SFRP4: variants seen among roughly 807,000 people sequenced by gnomAD.
SFRP4 encodes the protein secreted frizzled-related protein 4.
Under a neutral mutation model 36.3 loss-of-function variants are expected in SFRP4, and 25 were observed. That is an observed-to-expected ratio of 0.69 (90% confidence interval 0.50 to 0.96). The LOEUF is 0.96. Ranked by LOEUF, SFRP4 falls within the 40% of genes least tolerant of loss-of-function variation. SFRP4 has a pLI of 0.00. For missense variants in SFRP4, 487 were observed against 459.6 expected, an observed-to-expected ratio of 1.06 and a Z score of -0.54; for synonymous variants, 182 against 168.8, an observed-to-expected ratio of 1.08 and a Z score of -0.60.
chr7:37,914,865 A>C (rs1785549128), intron 1 of SFRP4, among the ~76,000 whole-genome samples: 1 of 152,182 alleles, frequency 6.6e-6, no homozygotes, highest in South Asian at 2.1e-4. Flanking sequence ...GCTCCATCTC[A>C]AAAAAAGAAA....
chr7:37,916,451 G>C lies in SFRP4; in HGVS notation c.87C>G (p.Ile29Met), dbSNP rs139103759. The change falls in exon 1 of 6, where the codon ATC (isoleucine) becomes ATG (methionine). Residue 29 changes from isoleucine (I) to methionine (M), a missense_variant. Coordinates refer to ENST00000436072, the MANE Select transcript of SFRP4 (RefSeq NM_003014.4). This position sits in a 1 kb window ranked among gnomAD's most constrained non-coding sequence, Gnocchi z 4.1. Reference protein sequence around the residue: ...VRGAPCEAVRIPMCRHMPWNI... With the variant: ...VRGAPCEAVRMPMCRHMPWNI... ...TCCAGGGCATGTGCCGGCACATAGG[G>C]ATGCGCACCGCCTCGCAGGGCGCGC... The C allele has an allele frequency of 1.7e-5, 28 of 1,613,640 alleles. No individual in the cohort carries two copies. In the African/African-American group the frequency reaches 3.6e-4, roughly 21 times the overall value.
chr7:37,910,379 A>T (rs1291476059), intron 4 of SFRP4, among the ~76,000 whole-genome samples: 1 of 151,938 alleles, frequency 6.6e-6, no homozygotes, highest in African/African-American at 2.4e-5. Flanking sequence ...CTATATCATG[A>T]TCTCAATGTT....
intron 1 of SFRP4, 66 bp from the exon 2 acceptor site, chr7:37,914,519 A>G (rs1785545267): frequency 9.0e-7 from 1 of 1,112,316 alleles, no homozygotes; most frequent in African/African-American, 1.5e-5. Context: ...GCTGGTATAA[A>G]GAGCCCTCTG....
chr7:37,907,390 G>A lies in SFRP4; in HGVS notation c.*89C>T. 1 of 1,097,890 alleles carries A rather than the reference G, an allele frequency of 9.1e-7. No homozygotes were observed. Among genetic ancestry groups the A allele is most frequent in the Non-Finnish European group, 1.3e-6 (1 of 753,496 alleles). 68.0% of individuals were successfully genotyped at this position (1,097,890 alleles called of 1,614,324 possible). ...ACTGCAGTGAGTTGTTAGGGCAAGGGGCACATGGCCTTACATAGGCTGTCC... is the reference window on the plus strand; with the variant it reads ...ACTGCAGTGAGTTGTTAGGGCAAGGAGCACATGGCCTTACATAGGCTGTCC... On this transcript the variant is annotated 3_prime_UTR_variant, in exon 6 of 6. Coordinates refer to ENST00000436072, the MANE Select transcript of SFRP4 (RefSeq NM_003014.4).
intron 1 of SFRP4, among the ~76,000 whole-genome samples, chr7:37,914,824 C>T (rs191486571): frequency 3.7e-3 from 563 of 152,322 alleles, no homozygotes; most frequent in Non-Finnish European, 5.4e-3. Flanking sequence ...GAGATTGTGC[C>T]ATTGCACTCC....
chr7:37,909,426 A>T (rs1307774796), intron 5 of SFRP4, among the ~76,000 whole-genome samples, 191 bp downstream of exon 5: 1 of 152,184 alleles, frequency 6.6e-6, no homozygotes, highest in Non-Finnish European at 1.5e-5. Flanking sequence ...AAGTCGAATG[A>T]TAGATTCCTG....
Position 37,914,280 on chromosome 7 carries a change from TA to T in SFRP4, c.527-3del, listed in dbSNP as rs1785541025. The T allele has an allele frequency of 1.2e-6, 2 of 1,613,978 alleles. No homozygotes were observed. Among genetic ancestry groups the T allele is most frequent in the African/African-American group, 1.3e-5 (1 of 75,026 alleles). On this transcript the variant is annotated splice_polypyrimidine_tract_variant and splice_region_variant and intron_variant, in intron 2 of 5. Coordinates refer to ENST00000436072, the MANE Select transcript of SFRP4 (RefSeq NM_003014.4). ...TCACCTTTTTACACTTGCACCGATC[TA>T]AAAAAGGCAGAAGAGGCAGAAAGTT... is the stretch of plus-strand genomic sequence containing the variant.
chr7:37,914,314 G>A lies in SFRP4; in HGVS notation c.527-36C>T, dbSNP rs377042680. ...CAGAAGAGGCAGAAAGTTGGAAAAA[G>A]AACAGAAATCACTCTGGAGAGGAGA... On this transcript the variant is annotated intron_variant, in intron 2 of 5. Transcript: ENST00000436072. 20 of 1,612,574 alleles carry A rather than the reference G, an allele frequency of 1.2e-5. No individual in the cohort carries two copies. The African/African-American group carries it at 2.7e-4, about 21-fold the overall frequency.
In SFRP4 at chr7:37,907,481, A is replaced by C; in HGVS notation, c.1039T>G (p.Ter347GlyextTer3). The C allele has an allele frequency of 6.2e-7, 1 of 1,612,304 alleles. No individual in the cohort carries two copies. The highest frequency in any genetic ancestry group is 1.1e-5 in the South Asian group (1 of 90,840). ...AQKRTNPKRV[*>G] is the part of the protein sequence containing the mutation. ...CTCCGCTTTGGAAACTAGTTAGCTC[A>C]CACTCTTTTCGGGTTTGTTCTCTTC... is the stretch of plus-strand genomic sequence containing the variant. The change falls in exon 6 of 6, where the codon TGA (stop) becomes GGA (glycine). Residue 347 changes from the stop codon to glycine, a stop_lost. Coordinates refer to ENST00000436072, the MANE Select transcript of SFRP4 (RefSeq NM_003014.4).
Position 37,912,062 on chromosome 7 carries a change from G to A in SFRP4, c.791+57C>T, listed in dbSNP as rs1785496683. On this transcript the variant is annotated intron_variant, in intron 4 of 5. Coordinates refer to ENST00000436072, the MANE Select transcript of SFRP4 (RefSeq NM_003014.4). ...TATTTTTAAACCATGACTGCTAACT[G>A]AGATTGAGGTCTTCCTAACAGTGTG... 3.0e-6 allele frequency: 4 copies of A among 1,325,718 alleles called. No individual in the cohort carries two copies. The South Asian group carries it at 5.2e-5, about 17-fold the overall frequency. 82.1% of individuals were successfully genotyped at this position (1,325,718 alleles called of 1,614,324 possible).
chr7:37,906,795 T>C lies in SFRP4; in HGVS notation c.*684A>G, dbSNP rs1785402095. ...TAACCAAAAAACAGGAATCCAGACA[T>C]TGTCTGCCTCTCCTTTTTATTTATT... On this transcript the variant is annotated 3_prime_UTR_variant, in exon 6 of 6. Transcript: ENST00000436072. 6.6e-6 allele frequency: 1 copy of C among 152,212 alleles called. No homozygotes were observed. Among genetic ancestry groups the C allele is most frequent in the Non-Finnish European group, 1.5e-5 (1 of 68,028 alleles). 9.4% of individuals were successfully genotyped at this position (152,212 alleles called of 1,614,324 possible). A position where few individuals can be genotyped will look rare whatever the true frequency, so the allele number is the denominator to read the frequency against.
Position 37,909,659 on chromosome 7 carries a change from G to A in SFRP4, c.813C>T (p.Cys271=), listed in dbSNP as rs1327072917. ...WRSRMMLLEN[C]LVEKWRDQLS... ...GCTGATCTCTCCATTTTTCAACTAA[G>A]CAATTTTCAAGAAGCATCATCCTGA... Residue 271 remains cysteine (C), a synonymous_variant, in exon 5 of 6, where the codon TGC becomes TGT. Coordinates refer to ENST00000436072, the MANE Select transcript of SFRP4 (RefSeq NM_003014.4). 4 of 1,579,660 alleles carry A rather than the reference G, an allele frequency of 2.5e-6. No homozygotes were observed. The highest frequency in any genetic ancestry group is 4.6e-5 in the East Asian group (2 of 43,220).
At chr7:37,909,887 T>A in intron 4 of SFRP4, 1 of 332,654 alleles carries the variant, frequency 3.0e-6, no homozygotes, top group South Asian at 9.8e-5. Context: ...GATGATCTGC[T>A]GATCTGCAAA....
At chr7:37,914,113 CT>C (rs1317143363) in intron 3 of SFRP4, 99 bp downstream of exon 3, 2 of 894,042 alleles carry the variant, frequency 2.2e-6, no homozygotes, top group Non-Finnish European at 3.6e-6. Context: ...CTTTTGTTTT[CT>C]TTACTTTGTG....
rs1785586083 is a variant in SFRP4, at chr7:37,916,669, C to T, written c.-132G>A. 4 of 1,360,380 alleles carry T rather than the reference C, an allele frequency of 2.9e-6. No homozygotes were observed. Among genetic ancestry groups the T allele is most frequent in the Non-Finnish European group, 3.9e-6 (4 of 1,023,270 alleles). The allele number at this position is 1,360,380 out of a possible 1,614,324, so 84.3% of individuals were successfully genotyped here. A position where few individuals can be genotyped will look rare whatever the true frequency, so the allele number is the denominator to read the frequency against. ...GCAGGAGAGTTTCTTCCCCCAAACT[C>T]CAGTCGGCAGCAAAGCGGGGCCGCG... On this transcript the variant is annotated 5_prime_UTR_variant, in exon 1 of 6. Transcript: ENST00000436072. The surrounding 1 kb of genome is among the most constrained non-coding windows in gnomAD (Gnocchi z 4.1).
At chr7:37,912,076 C>T (rs1306609639) in intron 4 of SFRP4, 43 bp downstream of exon 4, 1 of 1,464,696 alleles carries the variant, frequency 6.8e-7, no homozygotes, top group East Asian at 2.3e-5. Context: ...TTGAGGTCTT[C>T]CTAACAGTGT....
At chr7:37,912,688 G>T (rs1785514398) in intron 3 of SFRP4, among the ~76,000 whole-genome samples, 1 of 152,200 alleles carries the variant, frequency 6.6e-6, no homozygotes, top group Admixed American at 6.5e-5. Context: ...CTTAAGGTTT[G>T]CATTTCTTCA....
Position 37,916,458 on chromosome 7 carries a change from A to C in SFRP4, c.80T>G (p.Val27Gly), listed in dbSNP as rs751323190. ...LGVRGAPCEA[V>G]RIPMCRHMPW... is the part of the protein sequence containing the mutation. ...CATGTGCCGGCACATAGGGATGCGCACCGCCTCGCAGGGCGCGCCGCGCAC... is the reference window on the plus strand; with the variant it reads ...CATGTGCCGGCACATAGGGATGCGCCCCGCCTCGCAGGGCGCGCCGCGCAC... Residue 27 changes from valine (V) to glycine (G), a missense_variant, in exon 1 of 6, where the codon GTG (valine) becomes GGG (glycine). Physicochemically the swap from Val to Gly is moderately radical, Grantham distance 109 (BLOSUM62 -3). Coordinates refer to ENST00000436072, the MANE Select transcript of SFRP4 (RefSeq NM_003014.4). This position sits in a 1 kb window ranked among gnomAD's most constrained non-coding sequence, Gnocchi z 4.1. 1 of 1,613,396 alleles carries C rather than the reference A, an allele frequency of 6.2e-7. No homozygotes were observed. Among genetic ancestry groups the C allele is most frequent in the Non-Finnish European group, 8.5e-7 (1 of 1,179,684 alleles).
rs1562851059 is a variant in SFRP4 at position 37,914,286 on chromosome 7, A to T, written c.527-8T>A. 6.2e-7 allele frequency: 1 copy of T among 1,614,014 alleles called. No individual in the cohort carries two copies. Among genetic ancestry groups the T allele is most frequent in the Non-Finnish European group, 8.5e-7 (1 of 1,179,824 alleles). On this transcript the variant is annotated splice_polypyrimidine_tract_variant and splice_region_variant and intron_variant, in intron 2 of 5. Transcript: ENST00000436072. ...TTTTACACTTGCACCGATCTAAAAA[A>T]GGCAGAAGAGGCAGAAAGTTGGAAA...
Sources: allele counts gnomAD v4.1 joint callset (sites outside exome capture counted in the v4.1 genomes callset), GRCh38; gene constraint gnomAD v4.1.1; non-coding constraint Gnocchi (gnomAD v3.1); transcripts MANE v1.5; gene names NCBI Gene and HGNC (gene_info 2026-07-23, HGNC 2026-07-21).